NOL8: variants seen among roughly 807,000 people sequenced by gnomAD.
NOL8 encodes the protein nucleolar protein 8, also known as nucleolar protein Nop132.
In NOL8, 93 loss-of-function variants were observed where a neutral mutation model predicts 116.1. That is an observed-to-expected ratio of 0.80 (90% CI 0.68 to 0.95). NOL8 has a LOEUF of 0.95. NOL8 is among the 40% of genes least tolerant of loss of function. NOL8 has a pLI of 0.00. For synonymous variants in NOL8, 419 were observed against 469.0 expected (o/e 0.89, Z 1.38); for missense variants, 1,291 against 1,382.8 (o/e 0.93, Z 1.05).
Position 92,298,831 on chromosome 9 carries a change from G to C in NOL8, c.3373+53C>G, listed in dbSNP as rs79279290. The stretch of plus-strand genomic sequence containing the variant: ...AAATTCCTGGATGTGAATTACTGTA[G>C]CTGTATTATTACCTGTTCTATGTAT... On this transcript the variant is annotated intron_variant, in intron 15 of 16. Transcript: ENST00000442668. The C allele has an allele frequency of 1.9e-3, 1,927 of 1,017,248 alleles. 20 individuals are homozygous for C. In the African/African-American group the frequency reaches 0.025, roughly 13 times the overall value. 63.0% of individuals were successfully genotyped at this position (1,017,248 alleles called of 1,614,324 possible). A position where few individuals can be genotyped will look rare whatever the true frequency, so the allele number is the denominator to read the frequency against.
At position 92,305,786 on chromosome 9, in the gene NOL8, T is replaced by A; in HGVS notation, c.2870A>T (p.Tyr957Phe). The change falls in exon 12 of 17, where the codon TAC (tyrosine) becomes TTC (phenylalanine). Residue 957 changes from tyrosine to phenylalanine, a missense_variant. Transcript: ENST00000442668. Reference protein sequence around the residue: ...YDPTKQDHATYERKRDDKPKE... With the variant: ...YDPTKQDHATFERKRDDKPKE... ...TGGCTTATCATCTCTTTTTCTTTCG[T>A]AAGTGGCATGGTCTTGCTTCGTTGG... 1.9e-6 allele frequency: 3 copies of A among 1,612,712 alleles called. No homozygotes were observed. The highest frequency in any genetic ancestry group is 2.5e-6 in the Non-Finnish European group (3 of 1,178,892).
At chr9:92,309,672 A>G (rs1466070687) in intron 10 of NOL8, among the ~76,000 whole-genome samples, 1 of 152,200 alleles carries the variant, frequency 6.6e-6, no homozygotes, top group African/African-American at 2.4e-5. Flanking sequence ...GAAAAGAAGT[A>G]GAATTAGGAT....
At chr9:92,323,529 A>G (rs1840102726) in intron 2 of NOL8, 26 bp from the exon 3 acceptor site, 1 of 1,566,364 alleles carries the variant, frequency 6.4e-7, no homozygotes, top group Non-Finnish European at 8.7e-7. Flanking sequence ...ACAAACAAAC[A>G]AAACAATTTA....
At chr9:92,317,870 T>C (rs1839557545) in intron 6 of NOL8, among the ~76,000 whole-genome samples, 1 of 150,532 alleles carries the variant, frequency 6.6e-6, no homozygotes, top group Admixed American at 6.6e-5. Context: ...CCGTCTCTAG[T>C]AAAAATACAA....
intron 13 of NOL8, 137 bp from the exon 14 acceptor site, chr9:92,300,153 T>C: frequency 7.3e-7 from 1 of 1,365,720 alleles, no homozygotes. Flanking sequence ...TAAAATAGTA[T>C]CAAAAAAATA....
intron 15 of NOL8, 39 bp from the exon 16 acceptor site, chr9:92,298,375 A>C (rs375582698): frequency 7.6e-7 from 1 of 1,312,296 alleles, no homozygotes; most frequent in South Asian, 1.3e-5. Flanking sequence ...GCAGCAAACT[A>C]CTACTAAAAT....
At chr9:92,319,007 G>T in intron 5 of NOL8, 2 of 534,710 alleles carry the variant, frequency 3.7e-6, no homozygotes, top group Non-Finnish European at 6.2e-6. Flanking sequence ...ACCTCTGCTT[G>T]AGTTTTGATT....
At chr9:92,300,693 C>CT in intron 13 of NOL8, 1 of 1,089,064 alleles carries the variant, frequency 9.2e-7, no homozygotes, top group Non-Finnish European at 1.1e-6. Context: ...ATTTGCAATA[C>CT]TTTTTGAACA....
At chr9:92,318,331 C>A (rs1033568294) in intron 6 of NOL8, among the ~76,000 whole-genome samples, 1 of 152,196 alleles carries the variant, frequency 6.6e-6, no homozygotes, top group Non-Finnish European at 1.5e-5. Context: ...TCTCTCACCC[C>A]TCTTTAGCTC....
At position 92,310,276 on chromosome 9, in the gene NOL8, A is replaced by C; in HGVS notation, c.2596-15T>G. The C allele has an allele frequency of 1.3e-6, 2 of 1,592,422 alleles. No homozygotes were observed. Among genetic ancestry groups the C allele is most frequent in the Non-Finnish European group, 1.7e-6 (2 of 1,168,006 alleles). ...AAATCCATGAGCTACACAGACAGAA[A>C]ACATACATAATTGATAGCCACATTC... On this transcript the variant is annotated splice_polypyrimidine_tract_variant and intron_variant, in intron 9 of 16. Transcript: ENST00000442668.
chr9:92,311,029 C>T, intron 8 of NOL8, 117 bp downstream of exon 8: 1 of 753,856 alleles, frequency 1.3e-6, no homozygotes, highest in Non-Finnish European at 2.2e-6. Flanking sequence ...GGTGACCTGG[C>T]AAGCCCTGGG....
Position 92,316,138 on chromosome 9 carries a change from T to C in NOL8, c.487A>G (p.Ile163Val), listed in dbSNP as rs1267240011. The change falls in exon 7 of 17, where the codon ATC (isoleucine) becomes GTC (valine). Residue 163 changes from isoleucine to valine, a missense_variant and splice_region_variant. Ile to Val is a conservative substitution (Grantham distance 29). Transcript: ENST00000442668. ...TATTTTGAGGGATCATATTTGATGATGTTACGCAAGTCAAGAAACAAAACT... is the reference window on the plus strand; with the variant it reads ...TATTTTGAGGGATCATATTTGATGACGTTACGCAAGTCAAGAAACAAAACT... ...LHLKNQHKRK[I>V]IKYDPSKYCH... 1 of 1,605,690 alleles carries C rather than the reference T, an allele frequency of 6.2e-7. No homozygotes were observed. Among genetic ancestry groups the C allele is most frequent in the Non-Finnish European group, 8.5e-7 (1 of 1,175,764 alleles).
At chr9:92,298,474 TTAG>T (rs1837440017) in intron 15 of NOL8, 138 bp from the exon 16 acceptor site, 1 of 571,480 alleles carries the variant, frequency 1.7e-6, no homozygotes, top group Non-Finnish European at 3.0e-6. Context: ...TTTTCAAAAA[TTAG>T]TATTTTTTCT....
chr9:92,320,522 A>G (rs10992303), intron 4 of NOL8: 68,721 of 180,414 alleles, frequency 0.38, 15,536 homozygotes, highest in African/African-American at 0.64. Flanking sequence ...GTTTTAGAAT[A>G]TATCTGTTCT....
chr9:92,301,535 G>T lies in NOL8; in HGVS notation c.3175+16C>A, dbSNP rs771905634. On this transcript the variant is annotated intron_variant, in intron 13 of 16. Coordinates refer to ENST00000442668, the MANE Select transcript of NOL8 (RefSeq NM_017948.6). ...AACTGAATAAAATAAAAAAGTATGGGAAAAAAGAAAAGTACCTTCCTTTAT... is the reference window on the plus strand; with the variant it reads ...AACTGAATAAAATAAAAAAGTATGGTAAAAAAGAAAAGTACCTTCCTTTAT... 9 of 1,547,270 alleles carry T rather than the reference G, an allele frequency of 5.8e-6. No individual in the cohort carries two copies. In the South Asian group the frequency reaches 1.1e-4, roughly 19 times the overall value.
At chr9:92,300,643 C>CG (rs1837652856) in intron 13 of NOL8, 2 of 1,012,584 alleles carry the variant, frequency 2.0e-6, no homozygotes, top group Non-Finnish European at 2.4e-6. Flanking sequence ...ATCATGCCAA[C>CG]TCTACTCAAC....
At chr9:92,320,870 G>A (rs1839867617) in intron 4 of NOL8, among the ~76,000 whole-genome samples, 1 of 152,196 alleles carries the variant, frequency 6.6e-6, no homozygotes, top group Non-Finnish European at 1.5e-5. Context: ...GCCTCCCAAA[G>A]TGCTGGGATT....
At chr9:92,320,228 T>C in intron 4 of NOL8, 1 of 455,456 alleles carries the variant, frequency 2.2e-6, no homozygotes, top group South Asian at 1.6e-5. Flanking sequence ...CACTGGCCTC[T>C]TTGCCTCTGG....
In NOL8 at chr9:92,324,112, T is replaced by G. The variant is rs1464430648; in HGVS notation, c.50A>C (p.Gln17Pro). Residue 17 changes from glutamine (Q) to proline (P), a missense_variant, in exon 2 of 17, where the codon CAG (glutamine) becomes CCG (proline). Transcript: ENST00000442668. ...TKRLYVGGLS[Q>P]DISEADLQNQ... The stretch of plus-strand genomic sequence containing the variant: ...TTGTAGGTCTGCCTCAGAAATGTCC[T>G]GGCTAAGGCCACCCACATAAAGGCG... 4 of 1,614,060 alleles carry G rather than the reference T, an allele frequency of 2.5e-6. No individual in the cohort carries two copies. Among genetic ancestry groups the G allele is most frequent in the Non-Finnish European group, 3.4e-6 (4 of 1,179,890 alleles).
Sources: allele counts gnomAD v4.1 joint callset (sites outside exome capture counted in the v4.1 genomes callset), GRCh38; gene constraint gnomAD v4.1.1; transcripts MANE v1.5; gene names NCBI Gene and HGNC (gene_info 2026-07-23, HGNC 2026-07-21).